NSUN6: variants seen among roughly 807,000 people sequenced by gnomAD.
The protein encoded by NSUN6 is NOP2/Sun RNA methyltransferase 6.
Under a neutral mutation model 58.0 loss-of-function variants are expected in NSUN6, and 64 were observed. The observed-to-expected ratio is 1.10, with a 90% CI of 0.90 to 1.36. NSUN6 has a LOEUF of 1.36. Among genes scored for constraint, NSUN6 ranks in the 40% most tolerant of loss-of-function variants. The pLI is 0.00. For synonymous variants in NSUN6, 231 were observed against 193.9 expected (o/e 1.19, Z -1.59); for missense variants, 701 against 550.1 (o/e 1.27, Z -2.74).
chr10:18,640,872 A>T (rs565299033), intron 3 of NSUN6, among the ~76,000 whole-genome samples: 1 of 151,728 alleles, frequency 6.6e-6, no homozygotes. Context: ...AAAAAAAAAA[A>T]CAAAAATATT....
At chr10:18,652,742 T>C (rs2131617628), upstream of NSUN6, 1 of 398,342 alleles carries the variant, frequency 2.5e-6, no homozygotes, top group East Asian at 1.6e-4. Flanking sequence ...GTAATTTTAA[T>C]AGAGACGGGG....
intron 5 of NSUN6, among the ~76,000 whole-genome samples, chr10:18,614,242 A>T (rs2058333749): frequency 6.6e-6 from 1 of 152,168 alleles, no homozygotes; most frequent in Non-Finnish European, 1.5e-5. Context: ...TTTGACAATT[A>T]AAATGTAACT....
At chr10:18,634,454 G>T (rs1000699876) in intron 3 of NSUN6, among the ~76,000 whole-genome samples, 1 of 152,056 alleles carries the variant, frequency 6.6e-6, no homozygotes, top group African/African-American at 2.4e-5. Context: ...CCATGACCAA[G>T]ACAGGCTTAA....
chr10:18,652,834 C>G, upstream of NSUN6: 1 of 892,488 alleles, frequency 1.1e-6, no homozygotes, highest in Non-Finnish European at 1.3e-6. Context: ...GCTGGGATTA[C>G]AGGCGTGAGC....
Position 18,546,070 on chromosome 10 carries a change from C to A in NSUN6, c.1273G>T (p.Asp425Tyr). 6.2e-7 allele frequency: 1 copy of A among 1,608,676 alleles called. No individual in the cohort carries two copies. Among genetic ancestry groups the A allele is most frequent in the Non-Finnish European group, 8.5e-7 (1 of 1,177,838 alleles). ...CEQLKQLQRF[D>Y]PSAVPLPDTD... The stretch of plus-strand genomic sequence containing the variant: ...TCCGGTAATGGCACAGCCGATGGAT[C>A]AAATCGCTGCAGCTGTTTCAACTGT... The change falls in exon 11 of 11, where the codon GAT becomes TAT. Residue 425 changes from aspartate (D) to tyrosine (Y), a missense_variant. Transcript: ENST00000377304.
At chr10:18,555,390 G>A (rs567479879) in intron 8 of NSUN6, among the ~76,000 whole-genome samples, 2 of 151,058 alleles carry the variant, frequency 1.3e-5, no homozygotes, top group Admixed American at 6.6e-5. Flanking sequence ...GAATGGAATC[G>A]AATGGAGCAT....
At chr10:18,574,418 G>A (rs2056550201) in intron 8 of NSUN6, among the ~76,000 whole-genome samples, 1 of 151,848 alleles carries the variant, frequency 6.6e-6, no homozygotes, top group South Asian at 2.1e-4. Flanking sequence ...TTTCCTAACA[G>A]GAAATCCAAA....
chr10:18,591,482 G>A (rs2057374048), intron 7 of NSUN6, among the ~76,000 whole-genome samples: 1 of 152,036 alleles, frequency 6.6e-6, no homozygotes, highest in Non-Finnish European at 1.5e-5. Flanking sequence ...ATAAAATATT[G>A]GCAAACCAGA....
chr10:18,615,128 T>TATATAC (rs562207637), intron 4 of NSUN6, among the ~76,000 whole-genome samples: 7,480 of 147,864 alleles, frequency 0.051, 250 homozygotes, highest in Non-Finnish European at 0.074. Flanking sequence ...TATATATATA[T>TATATAC]ACACACACAT....
At chr10:18,592,851 T>C (rs1465579358) in intron 7 of NSUN6, among the ~76,000 whole-genome samples, 1 of 152,074 alleles carries the variant, frequency 6.6e-6, no homozygotes, top group Non-Finnish European at 1.5e-5. Context: ...AAAGCCAAAA[T>C]TGACAAATGG....
At position 18,578,194 on chromosome 10, in the gene NSUN6, G is replaced by T. The variant is rs576401498; in HGVS notation, c.922+7755C>A. Among the ~76,000 whole-genome samples the T allele has an allele frequency of 4.6e-5, 7 of 151,428 alleles. No homozygotes were observed. The East Asian group carries it at 1.4e-3, about 30-fold the overall frequency. The stretch of plus-strand genomic sequence containing the variant: ...AGCAGCTAGGCAGGACCTTTGAGCT[G>T]AGAAGCCCAGCTCCATGGAGCCTCT... On this transcript the variant is annotated intron_variant, in intron 8 of 10. Transcript: ENST00000377304.
chr10:18,547,429 T>G (rs1424185998), intron 10 of NSUN6, among the ~76,000 whole-genome samples: 4 of 152,194 alleles, frequency 2.6e-5, no homozygotes, highest in African/African-American at 4.8e-5. Context: ...TGAATTGTCT[T>G]TATTTATGTA....
chr10:18,598,126 G>A (rs1321733010), intron 6 of NSUN6, among the ~76,000 whole-genome samples: 1 of 152,116 alleles, frequency 6.6e-6, no homozygotes, highest in East Asian at 1.9e-4. Context: ...TCTCATCAAT[G>A]TACCTTGTAA....
At chr10:18,632,132 C>T (rs2059053519) in intron 3 of NSUN6, among the ~76,000 whole-genome samples, 1 of 151,784 alleles carries the variant, frequency 6.6e-6, no homozygotes, top group Admixed American at 6.6e-5. Context: ...TTTGACAAAC[C>T]TGAGAAAAAC....
intron 8 of NSUN6, among the ~76,000 whole-genome samples, chr10:18,580,094 A>G (rs1396586250): frequency 2.0e-5 from 3 of 152,210 alleles, no homozygotes; most frequent in Admixed American, 1.3e-4. Context: ...TGAGATTGAC[A>G]TGACTTCTGG....
chr10:18,603,688 G>A (rs368254420), intron 6 of NSUN6, among the ~76,000 whole-genome samples: 2 of 151,940 alleles, frequency 1.3e-5, no homozygotes, highest in Non-Finnish European at 2.9e-5. Context: ...TGTTGGCTGC[G>A]CTGGTCTCAA....
chr10:18,565,500 C>A (rs533237242), intron 8 of NSUN6, among the ~76,000 whole-genome samples: 22 of 151,170 alleles, frequency 1.5e-4, no homozygotes, highest in Non-Finnish European at 3.0e-4. Flanking sequence ...ATTCTCCATT[C>A]CATTCTATTC....
chr10:18,571,049 C>A (rs1487824639), intron 8 of NSUN6, among the ~76,000 whole-genome samples: 1 of 150,462 alleles, frequency 6.6e-6, no homozygotes, highest in African/African-American at 2.4e-5. Context: ...TTCCATTCCA[C>A]TCTCCACTCA....
Position 18,551,890 on chromosome 10 carries a change from A to T in NSUN6, c.1004T>A (p.Met335Lys), listed in dbSNP as rs1301844550. 1 of 1,612,282 alleles carries T rather than the reference A, an allele frequency of 6.2e-7. No individual in the cohort carries two copies. The highest frequency in any genetic ancestry group is 8.5e-7 in the Non-Finnish European group (1 of 1,178,410). The change falls in exon 9 of 11, where the codon ATG becomes AAG. Residue 335 changes from methionine (M) to lysine (K), a missense_variant. Physicochemically the swap from Met to Lys is moderately conservative, Grantham distance 95. Coordinates refer to ENST00000377304, the MANE Select transcript of NSUN6 (RefSeq NM_182543.5). ...TTCCTTCACAGACCAAGTACAGGCC[A>T]TGTTTGGTCTCTGTCCCATTCCACT... ...PCSGMGQRPN[M>K]ACTWSVKEVA...
Sources: gnomAD v4.1 joint callset for allele counts (sites outside exome capture counted in the v4.1 genomes callset) on GRCh38, gnomAD v4.1.1 for gene constraint, MANE v1.5 for transcripts, NCBI Gene and HGNC (gene_info 2026-07-23, HGNC 2026-07-21) for gene names.